PKD1: variants seen among roughly 807,000 people sequenced by gnomAD.
PKD1 encodes the protein polycystin 1, transient receptor potential channel interacting.
A neutral mutation model predicts 361.7 loss-of-function variants in PKD1; 81 were observed. The observed-to-expected ratio is 0.22, with a 90% confidence interval of 0.19 to 0.27. PKD1 has a LOEUF of 0.27. Ranked by LOEUF, PKD1 falls within the 10% of genes least tolerant of loss-of-function variation. PKD1 has a pLI of 1.00. For missense variants in PKD1, 6,399 were observed against 6,118.3 expected (o/e 1.05, Z -1.53); for synonymous variants, 3,615 against 2,818.3 (o/e 1.28, Z -8.95).
rs762283246 is a variant in PKD1, at chr16:2,102,886, G to T, written c.8876C>A (p.Ala2959Asp). 1.2e-6 allele frequency: 2 copies of T among 1,610,090 alleles called. No individual in the cohort carries two copies. Among genetic ancestry groups the T allele is most frequent in the Non-Finnish European group, 8.5e-7 (1 of 1,179,718 alleles). The stretch of plus-strand genomic sequence containing the variant: ...TGACTCTGGGCGGATCCTCCTGCTA[G>T]CCGAGCAGTTGTGCTCATTGGGCCG... The part of the protein sequence containing the change: ...EPRPNEHNCS[A>D]SRRIRPESLQ... Residue 2959 changes from alanine (A) to aspartate (D), a missense_variant, in exon 24 of 46, where the codon GCT becomes GAT. Ala to Asp is a moderately radical substitution (Grantham distance 126). Coordinates refer to ENST00000262304, the MANE Select transcript of PKD1 (RefSeq NM_001009944.3).
Position 2,103,794 on chromosome 16 carries a change from G to A in PKD1, c.8263C>T (p.Leu2755=). 6.2e-7 allele frequency: 1 copy of A among 1,609,622 alleles called. No individual in the cohort carries two copies. The highest frequency in any genetic ancestry group is 8.5e-7 in the Non-Finnish European group (1 of 1,179,550). Residue 2755 remains leucine, a synonymous_variant, in exon 23 of 46, where the codon CTG becomes TTG. Coordinates refer to ENST00000262304, the MANE Select transcript of PKD1 (RefSeq NM_001009944.3). ...SRMVASQAYN[L]TSALMRILMR... ...AGGATGCGCATGAGGGCAGAGGTCA[G>A]GTTGTAGGCCTGGGACGCCACCATC... is the stretch of plus-strand genomic sequence containing the variant.
Position 2,109,536 on chromosome 16 carries a change from G to A in PKD1, c.5631C>T (p.Ala1877=), listed in dbSNP as rs762953434. ...NASNAVSWVS[A]TYNLTAEEPI... ...GCTCCTCCGCCGTGAGGTTGTACGT[G>A]GCTGAGACCCAGCTGACTGCGTTGG... The change falls in exon 15 of 46, where the codon GCC becomes GCT. Residue 1877 remains alanine (A), a synonymous_variant. Transcript: ENST00000262304. 3 of 1,611,300 alleles carry A rather than the reference G, an allele frequency of 1.9e-6. No homozygotes were observed. The highest frequency in any genetic ancestry group is 1.1e-5 in the South Asian group (1 of 90,878).
chr16:2,091,685 G>A (rs2091588970), intron 41 of PKD1, 88 bp from the exon 42 acceptor site: 4 of 1,565,454 alleles, frequency 2.6e-6, no homozygotes, highest in Admixed American at 3.7e-5. Context: ...AGGGGCTGTG[G>A]AAGCCGCCTA....
In PKD1 at chr16:2,102,896, T is replaced by C; in HGVS notation, c.8866A>G (p.Asn2956Asp). 2.5e-6 allele frequency: 4 copies of C among 1,610,056 alleles called. No homozygotes were observed. The highest frequency in any genetic ancestry group is 3.4e-6 in the Non-Finnish European group (4 of 1,179,732). Residue 2956 changes from asparagine to aspartate, a missense_variant, in exon 24 of 46, where the codon AAC becomes GAC. By Grantham distance (23) the Asn-to-Asp change is conservative. Coordinates refer to ENST00000262304, the MANE Select transcript of PKD1 (RefSeq NM_001009944.3). ...LHSEPRPNEH[N>D]CSASRRIRPE... is the part of the protein sequence containing the mutation. ...CGGATCCTCCTGCTAGCCGAGCAGT[T>C]GTGCTCATTGGGCCGGGGCTCCGAG... is the stretch of plus-strand genomic sequence containing the variant.
chr16:2,091,361 C>A (rs1033505143), intron 42 of PKD1, 62 bp downstream of exon 42: 1 of 936,310 alleles, frequency 1.1e-6, no homozygotes, highest in Non-Finnish European at 1.3e-6. Flanking sequence ...CGGGGCGGGG[C>A]CCCGCGAGGG....
rs771695253 is a variant in PKD1, at chr16:2,089,881, C to T, written c.12758G>A (p.Arg4253Gln). 5.6e-6 allele frequency: 9 copies of T among 1,610,228 alleles called. No homozygotes were observed. The highest frequency in any genetic ancestry group is 3.3e-5 in the Admixed American group (2 of 59,744). Residue 4253 changes from arginine (R) to glutamine (Q), a missense_variant, in exon 46 of 46, where the codon CGG (arginine) becomes CAG (glutamine). Physicochemically the swap from Arg to Gln is conservative, Grantham distance 43. Coordinates refer to ENST00000262304, the MANE Select transcript of PKD1 (RefSeq NM_001009944.3). ...GCCACGGGAAGATCCGGCGGGCGCC[C>T]GGCTGCTCCTGCGGCCTTGCAGGCT... ...LHSLQGRRSSRAPAGSSRGPS... is the reference protein window; with the variant it reads ...LHSLQGRRSSQAPAGSSRGPS...
Position 2,109,364 on chromosome 16 carries a change from G to GGGGCCCGGGGAGCACCTCGGGGTT in PKD1, c.5779_5802dup (p.Asn1927_Pro1934dup). The GGGGCCCGGGGAGCACCTCGGGGTT allele has an allele frequency of 6.3e-7, 1 of 1,591,766 alleles. No individual in the cohort carries two copies. The highest frequency in any genetic ancestry group is 1.3e-5 in the African/African-American group (1 of 74,818). On this transcript the variant is annotated inframe_insertion, in exon 15 of 46. Transcript: ENST00000262304. ...ACGCGGGGGAAGCTGTGGGAGAAAC[G>GGGGCCCGGGGAGCACCTCGGGGTT]GGGCCCGGGGAGCACCTCGGGGTTG...
Position 2,110,028 on chromosome 16 carries a change from G to T in PKD1, c.5139C>A (p.Asp1713Glu), listed in dbSNP as rs148538206. The T allele has an allele frequency of 5.6e-6, 9 of 1,610,424 alleles. No individual in the cohort carries two copies. The African/African-American group carries it at 1.1e-4, about 19-fold the overall frequency. ...TCAGCCACCCCACAGGCTCCACGAAGTCCATGGTGCAGTCGGCCCAGGCGC... is the reference window on the plus strand; with the variant it reads ...TCAGCCACCCCACAGGCTCCACGAATTCCATGGTGCAGTCGGCCCAGGCGC... ...LGSAWADCTMDFVEPVGWLMV... is the reference protein window; with the variant it reads ...LGSAWADCTMEFVEPVGWLMV... Residue 1713 changes from aspartate (D) to glutamate (E), a missense_variant, in exon 15 of 46, where the codon GAC (aspartate) becomes GAA (glutamate). Asp to Glu is a conservative substitution (Grantham distance 45, BLOSUM62 2). Transcript: ENST00000262304.
In PKD1 at chr16:2,105,348, T is replaced by C; in HGVS notation, c.7990A>G (p.Ile2664Val). 1 of 1,592,976 alleles carries C rather than the reference T, an allele frequency of 6.3e-7. No individual in the cohort carries two copies. Among genetic ancestry groups the C allele is most frequent in the Non-Finnish European group, 8.5e-7 (1 of 1,177,308 alleles). ...RVHTVDDIQQIAAALAQCMGP... is the reference protein window; with the variant it reads ...RVHTVDDIQQVAAALAQCMGP... ...ATGCACTGGGCCAGCGCAGCAGCGA[T>C]CTGCTGGATGTCATCCACAGTGTGG... The change falls in exon 21 of 46, where the codon ATC (isoleucine) becomes GTC (valine). Residue 2664 changes from isoleucine to valine, a missense_variant. By Grantham distance (29) the Ile-to-Val change is conservative (BLOSUM62 3). Transcript: ENST00000262304.
chr16:2,108,639 G>A lies in PKD1; in HGVS notation c.6528C>T (p.Arg2176=), dbSNP rs758036583. The change falls in exon 15 of 46, where the codon CGC becomes CGT. Residue 2176 remains arginine, a synonymous_variant. Coordinates refer to ENST00000262304, the MANE Select transcript of PKD1 (RefSeq NM_001009944.3). ...ACTCAGTCTGGTAGGTGACGCAGTC[G>A]CGCAGGTCAACGTGGGCCTCCAAGT... The part of the protein sequence containing the change: ...RNYLEAHVDL[R]DCVTYQTEYR... The A allele has an allele frequency of 2.9e-5, 45 of 1,561,376 alleles. No homozygotes were observed. Among genetic ancestry groups the A allele is most frequent in the African/African-American group, 5.4e-5 (4 of 74,024 alleles).
rs776926810 is a variant in PKD1 at position 2,106,260 on chromosome 16, G to A, written c.7534C>T (p.Leu2512=). Residue 2512 remains leucine, a synonymous_variant, in exon 19 of 46, where the codon CTG becomes TTG. Transcript: ENST00000262304. This position sits in a 1 kb window ranked among gnomAD's most constrained non-coding sequence, Gnocchi z 6.5. ...EDAGAPLVYA[L]LLRRCRQGHC... is the part of the protein sequence containing the mutation. The stretch of plus-strand genomic sequence containing the variant: ...CCCTGGCGACAGCGCCGCAGCAGCA[G>A]GGCGTACACCAGCGGGGCGCCAGCA... 14 of 1,610,160 alleles carry A rather than the reference G, an allele frequency of 8.7e-6. No individual in the cohort carries two copies. The highest frequency in any genetic ancestry group is 7.7e-5 in the South Asian group (7 of 90,988).
intron 1 of PKD1, among the ~76,000 whole-genome samples, chr16:2,130,631 G>A (rs1295546304): frequency 2.0e-5 from 3 of 152,212 alleles, no homozygotes; most frequent in Admixed American, 6.5e-5. Flanking sequence ...CCGTGGCCTG[G>A]CCAGCCCCCC....
intron 1 of PKD1, among the ~76,000 whole-genome samples, chr16:2,124,259 C>G (rs1180092004): frequency 6.6e-6 from 1 of 152,240 alleles, no homozygotes; most frequent in East Asian, 1.9e-4. Flanking sequence ...TGACACGTGT[C>G]TCATGCTGCA....
intron 34 of PKD1, among the ~76,000 whole-genome samples, chr16:2,096,537 C>T (rs566722694): frequency 1.3e-4 from 19 of 151,894 alleles, no homozygotes; most frequent in South Asian, 4.1e-4. Context: ...GTTTTTGAGA[C>T]GGAGTTTCGC....
At chr16:2,096,213 G>A (rs983273099) in intron 34 of PKD1, among the ~76,000 whole-genome samples, 2 of 152,258 alleles carry the variant, frequency 1.3e-5, no homozygotes, top group African/African-American at 2.4e-5. Context: ...CCCAAACCCA[G>A]ACACCGCAGC....
chr16:2,093,274 CCT>C, intron 37 of PKD1, 181 bp from the exon 38 acceptor site: 1 of 755,760 alleles, frequency 1.3e-6, no homozygotes, highest in South Asian at 1.7e-5. Flanking sequence ...CGGAACCCCA[CCT>C]GGGGGCAGAC....
rs557020044 is a variant in PKD1 at position 2,105,369 on chromosome 16, T to C, written c.7969A>G (p.Thr2657Ala). 8 of 1,590,370 alleles carry C rather than the reference T, an allele frequency of 5.0e-6. No homozygotes were observed. The highest frequency in any genetic ancestry group is 2.3e-4 in the Middle Eastern group (1 of 4,410). The change falls in exon 21 of 46, where the codon ACT becomes GCT. Residue 2657 changes from threonine (T) to alanine (A), a missense_variant. Coordinates refer to ENST00000262304, the MANE Select transcript of PKD1 (RefSeq NM_001009944.3). ...GCGATCTGCTGGATGTCATCCACAG[T>C]GTGGACCCTCAGGGACACCAGAGTC... ...TETLVSLRVH[T>A]VDDIQQIAAA... is the part of the protein sequence containing the mutation.
At chr16:2,094,605 T>C (rs2151712544) in intron 34 of PKD1, 2 of 308,106 alleles carry the variant, frequency 6.5e-6, no homozygotes, top group Middle Eastern at 2.2e-3. Context: ...AGTGTGTCTG[T>C]CCCATGCAGG....
chr16:2,090,557 C>G lies in PKD1; in HGVS notation c.12172G>C (p.Val4058Leu). 1 of 1,609,224 alleles carries G rather than the reference C, an allele frequency of 6.2e-7. No individual in the cohort carries two copies. The highest frequency in any genetic ancestry group is 8.5e-7 in the Non-Finnish European group (1 of 1,179,530). ...VSSCVDSLWS[V>L]AQALLVLCPG... ...CACAGCACCAACAGGGCCTGGGCCACGCTCCAGAGGGAGTCCACACAGGAA... is the reference window on the plus strand; with the variant it reads ...CACAGCACCAACAGGGCCTGGGCCAGGCTCCAGAGGGAGTCCACACAGGAA... The change falls in exon 45 of 46, where the codon GTG becomes CTG. Residue 4058 changes from valine (V) to leucine (L), a missense_variant. Val to Leu is a conservative substitution (Grantham distance 32). Transcript: ENST00000262304.
Sources: gnomAD v4.1 joint callset for allele counts (sites outside exome capture counted in the v4.1 genomes callset) on GRCh38, gnomAD v4.1.1 for gene constraint, Gnocchi (gnomAD v3.1) non-coding constraint, MANE v1.5 for transcripts, NCBI Gene and HGNC (gene_info 2026-07-23, HGNC 2026-07-21) for gene names.